Variants in LIN54 observed in about 807,000 individuals in gnomAD.
The protein encoded by LIN54 is lin-54 DREAM MuvB core complex component.
In LIN54, 9 loss-of-function variants were observed where a neutral mutation model predicts 78.7. The observed-to-expected ratio is 0.11, with a 90% CI of 0.07 to 0.20. The LOEUF is 0.20. Among genes scored for constraint, LIN54 ranks in the 10% least tolerant of loss-of-function variants. The pLI, the probability that LIN54 is intolerant of heterozygous loss-of-function variation, is 1.00. For missense variants in LIN54, 573 were observed against 889.9 expected (o/e 0.64, Z 4.53); for synonymous variants, 269 against 318.4 (o/e 0.84, Z 1.65).
intron 1 of LIN54, among the ~76,000 whole-genome samples, chr4:83,001,857 A>AAAGG (rs869029962): frequency 0.026 from 133 of 5,124 alleles, 3 homozygotes; most frequent in East Asian, 0.25. Flanking sequence ...CAAAAAAAAA[A>AAAGG]AAAGGATAGG....
intron 4 of LIN54, among the ~76,000 whole-genome samples, chr4:82,955,441 G>A (rs982266714): frequency 7.5e-6 from 1 of 132,648 alleles, no homozygotes; most frequent in African/African-American, 2.7e-5. Flanking sequence ...ACAAGCCATA[G>A]ATTGAGAGAA....
At chr4:82,973,615 G>A (rs535832968) in intron 3 of LIN54, among the ~76,000 whole-genome samples, 4 of 152,312 alleles carry the variant, frequency 2.6e-5, no homozygotes, top group African/African-American at 9.6e-5. Flanking sequence ...TTCTTTAAGA[G>A]ATTAATTTTA....
At position 82,970,288 on chromosome 4, in the gene LIN54, C is replaced by T. The variant is rs770526845; in HGVS notation, c.951+39G>A. The T allele has an allele frequency of 3.2e-6, 5 of 1,584,138 alleles. No homozygotes were observed. The Admixed American group carries it at 8.9e-5, about 28-fold the overall frequency. On this transcript the variant is annotated intron_variant, in intron 4 of 12. Coordinates refer to ENST00000340417, the MANE Select transcript of LIN54 (RefSeq NM_194282.4). ...ACTAGTAAGAAAATAAAGGCATCAA[C>T]CACAATATTTGGTATTTGTGGCTAA...
chr4:82,944,876 T>C (rs1317780864), intron 5 of LIN54: 2 of 152,406 alleles, frequency 1.3e-5, no homozygotes, highest in Non-Finnish European at 2.9e-5. Flanking sequence ...GTTTTGTTTT[T>C]TTTGAGATGG....
intron 4 of LIN54, among the ~76,000 whole-genome samples, chr4:82,955,391 T>TAACATAACAC (rs1482240116): frequency 6.6e-6 from 1 of 150,906 alleles, no homozygotes; most frequent in African/African-American, 2.4e-5. Flanking sequence ...TAACATAACA[T>TAACATAACAC]AACATAACAT....
At chr4:82,959,390 G>C (rs1277411981) in intron 4 of LIN54, among the ~76,000 whole-genome samples, 2 of 151,968 alleles carry the variant, frequency 1.3e-5, no homozygotes, top group Non-Finnish European at 2.9e-5. Context: ...AGCTATTCAG[G>C]AGGCTGAGGC....
intron 12 of LIN54, among the ~76,000 whole-genome samples, chr4:82,929,007 A>G (rs1490141653): frequency 6.6e-6 from 1 of 152,228 alleles, no homozygotes; most frequent in African/African-American, 2.4e-5. Context: ...GTCAAGCAAC[A>G]TAATCTAAAC....
chr4:82,974,821 TG>T (rs1726024068), intron 3 of LIN54, among the ~76,000 whole-genome samples: 1 of 148,812 alleles, frequency 6.7e-6, no homozygotes, highest in Admixed American at 6.7e-5. Flanking sequence ...ATCACACCAC[TG>T]CACTCCAGCC....
chr4:82,991,154 G>GAAAAA (rs56936823), intron 1 of LIN54, among the ~76,000 whole-genome samples: 1 of 86,358 alleles, frequency 1.2e-5, no homozygotes, highest in Non-Finnish European at 2.4e-5. Flanking sequence ...TGTCTCTTAA[G>GAAAAA]AAAAAAAAAA....
rs1728875812 is a variant in LIN54 at position 83,001,971 on chromosome 4, GAA to G, written c.-33+8511_-33+8512del. On this transcript the variant is annotated intron_variant, in intron 1 of 12. Coordinates refer to ENST00000340417, the MANE Select transcript of LIN54 (RefSeq NM_194282.4). ...GGAAGGAAGGAAGGAAGGAAGGAAG[GAA>G]GGAAGGGAGGGATCTTGGAGAAATT... Among the ~76,000 whole-genome samples, 7 of 5,898 alleles carry G rather than the reference GAA, an allele frequency of 1.2e-3. 2 individuals are homozygous for G. The highest frequency in any genetic ancestry group is 3.0e-3 in the African/African-American group (7 of 2,354). The allele number at this position is 5,898 out of a possible 152,430, so 3.9% of individuals were successfully genotyped here.
intron 6 of LIN54, 72 bp from the exon 7 acceptor site, chr4:82,939,808 T>G: frequency 6.3e-7 from 1 of 1,587,730 alleles, no homozygotes; most frequent in Non-Finnish European, 8.6e-7. Context: ...ATAAATCTCT[T>G]GCACCTAAAT....
intron 1 of LIN54, among the ~76,000 whole-genome samples, chr4:82,989,178 ACTCT>A (rs982992441): frequency 1.3e-5 from 2 of 151,046 alleles, no homozygotes; most frequent in African/African-American, 4.9e-5. Context: ...ACAGAGCCAG[ACTCT>A]CTCTCAAGAA....
chr4:82,942,131 CA>C (rs1374236554), intron 5 of LIN54, among the ~76,000 whole-genome samples: 1 of 102,888 alleles, frequency 9.7e-6, no homozygotes, highest in Non-Finnish European at 1.8e-5. Context: ...ATGATATCAG[CA>C]GTTTTTTTTT....
intron 1 of LIN54, among the ~76,000 whole-genome samples, chr4:82,989,360 G>A (rs1228102371): frequency 6.6e-6 from 1 of 152,022 alleles, no homozygotes; most frequent in African/African-American, 2.4e-5. Context: ...ATCCCCTCTG[G>A]CACTTATGGG....
At chr4:82,987,553 T>C (rs1727274091) in intron 1 of LIN54, among the ~76,000 whole-genome samples, 1 of 144,986 alleles carries the variant, frequency 6.9e-6, no homozygotes, top group Admixed American at 6.9e-5. Context: ...CACCAGAACA[T>C]AATGTGTGTT....
chr4:82,935,276 T>A (rs977274532), intron 11 of LIN54, among the ~76,000 whole-genome samples: 1 of 147,386 alleles, frequency 6.8e-6, no homozygotes, highest in South Asian at 2.1e-4. Flanking sequence ...ATATATATAT[T>A]TATATATTTA....
At position 82,930,971 on chromosome 4, in the gene LIN54, T is replaced by C. The variant is rs1428250532; in HGVS notation, c.2020A>G (p.Thr674Ala). Residue 674 changes from threonine (T) to alanine (A), a missense_variant, in exon 12 of 13, where the codon ACA becomes GCA. Around this residue, in one of 6 missense-constraint regions of LIN54, gnomAD observed 82 missense variants for 140.8 expected, o/e 0.58. Coordinates refer to ENST00000340417, the MANE Select transcript of LIN54 (RefSeq NM_194282.4). ...CCGCCTCCACTATTTAAAGCTGGTG[T>C]TGGCCTAGTAAGCAAGTCTGAAATT... is the stretch of plus-strand genomic sequence containing the variant. ...SQISDLLTRP[T>A]PALNSGGGKL... 1.2e-6 allele frequency: 2 copies of C among 1,614,098 alleles called. No homozygotes were observed. The highest frequency in any genetic ancestry group is 1.7e-6 in the Non-Finnish European group (2 of 1,180,036).
rs781117489 is a variant in LIN54, at chr4:82,928,054, A to C, written c.*48T>G. ...CTTCCAGAAAATCAAGTGTCCCTGC[A>C]CCTTAAATTTTCTGTACAGTTCCAT... On this transcript the variant is annotated 3_prime_UTR_variant, in exon 13 of 13. Transcript: ENST00000340417. The C allele has an allele frequency of 4.7e-6, 7 of 1,499,312 alleles. No individual in the cohort carries two copies. In the African/African-American group the frequency reaches 9.6e-5, roughly 21 times the overall value. 92.9% of individuals were successfully genotyped at this position (1,499,312 alleles called of 1,614,324 possible).
intron 3 of LIN54, among the ~76,000 whole-genome samples, chr4:82,973,481 T>C (rs530650876): frequency 1.6e-3 from 241 of 152,344 alleles, no homozygotes; most frequent in African/African-American, 5.5e-3. Context: ...GCAAGTTACA[T>C]AATTTGACCT....
Sources: allele counts gnomAD v4.1 joint callset (sites outside exome capture counted in the v4.1 genomes callset), GRCh38; gene constraint gnomAD v4.1.1; regional missense constraint gnomAD v4.1.1; transcripts MANE v1.5; gene names NCBI Gene and HGNC (gene_info 2026-07-23, HGNC 2026-07-21).